Variants in FBXW4 observed in about 807,000 individuals in gnomAD.
The protein encoded by FBXW4 is F-box/WD repeat-containing protein 4.
Under a neutral mutation model 61.8 loss-of-function variants are expected in FBXW4, and 40 were observed. The observed-to-expected ratio is 0.65, with a 90% CI of 0.50 to 0.84. The LOEUF is 0.84. Among genes scored for constraint, FBXW4 ranks in the 40% least tolerant of loss-of-function variants. FBXW4 has a pLI of 0.00. For synonymous variants in FBXW4, 311 were observed against 313.8 expected (o/e 0.99, Z 0.10); for missense variants, 672 against 753.8 (o/e 0.89, Z 1.27).
intron 5 of FBXW4, among the ~76,000 whole-genome samples, chr10:101,644,863 C>T (rs2064082604): frequency 6.6e-6 from 1 of 152,318 alleles, no homozygotes; most frequent in Admixed American, 6.5e-5. Flanking sequence ...ATCATACCCC[C>T]ATTTGCCACC....
At chr10:101,633,998 A>G (rs925583610) in intron 5 of FBXW4, among the ~76,000 whole-genome samples, 2 of 152,150 alleles carry the variant, frequency 1.3e-5, no homozygotes, top group African/African-American at 4.8e-5. Flanking sequence ...CTGTAATCTC[A>G]GCTACTCAGG....
Position 101,673,000 on chromosome 10 carries a change from T to G in FBXW4, c.1055A>C (p.Lys352Thr), listed in dbSNP as rs1329566152. 6.2e-7 allele frequency: 1 copy of G among 1,613,920 alleles called. No homozygotes were observed. The change falls in exon 4 of 9, where the codon AAG becomes ACG. Residue 352 changes from lysine (K) to threonine (T), a missense_variant. Lys to Thr is a moderately conservative substitution (Grantham distance 78, BLOSUM62 -1). Transcript: ENST00000331272. ...CACCTCCTGTTCATGAGCCGAGTAC[T>G]TGACAGTGAAGGTGCTGTGAATCTT... ...IHKIHSTFTV[K>T]YSAHEQEVNC...
At chr10:101,645,811 G>T (rs781385184) in intron 5 of FBXW4, among the ~76,000 whole-genome samples, 7 of 152,164 alleles carry the variant, frequency 4.6e-5, no homozygotes, top group Non-Finnish European at 1.0e-4. Context: ...GCTCAGCACA[G>T]GACAGGCAAG....
chr10:101,616,044 A>T (rs921676620), intron 6 of FBXW4, among the ~76,000 whole-genome samples: 1 of 152,138 alleles, frequency 6.6e-6, no homozygotes, highest in Non-Finnish European at 1.5e-5. Context: ...TGTTCTCTGG[A>T]GACCCTATGC....
chr10:101,655,806 G>A (rs911558290), intron 5 of FBXW4, among the ~76,000 whole-genome samples: 1 of 152,230 alleles, frequency 6.6e-6, no homozygotes, highest in Non-Finnish European at 1.5e-5. Flanking sequence ...TCTGGGATGA[G>A]GAGCATGTGC....
chr10:101,625,916 A>C (rs2134819728), intron 5 of FBXW4: 1 of 152,380 alleles, frequency 6.6e-6, no homozygotes, highest in East Asian at 1.9e-4. Flanking sequence ...TCTGATCCCA[A>C]GCATGTCAGT....
intron 5 of FBXW4, among the ~76,000 whole-genome samples, chr10:101,660,896 C>T (rs891502576): frequency 6.6e-6 from 1 of 152,186 alleles, no homozygotes; most frequent in Non-Finnish European, 1.5e-5. Flanking sequence ...CGGTCTCTCC[C>T]ATCAGACTAT....
chr10:101,655,998 T>A (rs1026461094), intron 5 of FBXW4, among the ~76,000 whole-genome samples: 2 of 152,082 alleles, frequency 1.3e-5, no homozygotes, highest in Admixed American at 6.5e-5. Flanking sequence ...GCAGAAAGGG[T>A]ACATTTCACT....
intron 1 of FBXW4, among the ~76,000 whole-genome samples, chr10:101,683,781 A>G (rs2064503596): frequency 6.6e-6 from 1 of 152,064 alleles, no homozygotes; most frequent in African/African-American, 2.4e-5. Flanking sequence ...GGAAGCCACC[A>G]ATGCTGACCA....
chr10:101,633,448 G>T (rs910664848), intron 5 of FBXW4, among the ~76,000 whole-genome samples: 4 of 152,270 alleles, frequency 2.6e-5, no homozygotes, highest in East Asian at 1.9e-4. Context: ...GGCCTGTTAG[G>T]GGGTAGTGGG....
rs2064646701 is a variant in FBXW4, at chr10:101,694,301, ACCAGGCCGCGGCGCCCCGCCCTTTC to A, written c.725+55_725+79del. On this transcript the variant is annotated intron_variant, in intron 1 of 8. Transcript: ENST00000331272. The surrounding 1 kb of genome is among the most constrained non-coding windows in gnomAD (Gnocchi z 6.0). The stretch of plus-strand genomic sequence containing the variant: ...CGGGGTGCGACACGACCCTGGGCCG[ACCAGGCCGCGGCGCCCCGCCCTTTC>A]CCGGGACGCGGGGCCGGCTCGGGGC... 1 of 1,292,972 alleles carries A rather than the reference ACCAGGCCGCGGCGCCCCGCCCTTTC, an allele frequency of 7.7e-7. No individual in the cohort carries two copies. Among genetic ancestry groups the A allele is most frequent in the South Asian group, 2.0e-5 (1 of 49,680 alleles). 80.1% of individuals were successfully genotyped at this position (1,292,972 alleles called of 1,614,324 possible). A position where few individuals can be genotyped will look rare whatever the true frequency, so the allele number is the denominator to read the frequency against.
At chr10:101,679,780 G>T (rs2064452741) in intron 1 of FBXW4, among the ~76,000 whole-genome samples, 1 of 151,784 alleles carries the variant, frequency 6.6e-6, no homozygotes, top group African/African-American at 2.4e-5. Context: ...AATGGTTTTT[G>T]GTTACATGGA....
At chr10:101,688,482 A>G (rs554859664) in intron 1 of FBXW4, among the ~76,000 whole-genome samples, 1 of 152,350 alleles carries the variant, frequency 6.6e-6, no homozygotes, top group East Asian at 1.9e-4. Context: ...GAAATGACTC[A>G]AAATTGAGAC....
At chr10:101,686,364 G>A (rs191072968) in intron 1 of FBXW4, among the ~76,000 whole-genome samples, 9 of 152,246 alleles carry the variant, frequency 5.9e-5, no homozygotes, top group Admixed American at 2.6e-4. Context: ...GGAATGTGGC[G>A]CACAGCATTT....
chr10:101,618,428 T>C (rs1435263174), intron 6 of FBXW4, among the ~76,000 whole-genome samples: 1 of 152,114 alleles, frequency 6.6e-6, no homozygotes, highest in African/African-American at 2.4e-5. Context: ...GGGCATGGGG[T>C]TGGCTTGAGC....
At chr10:101,660,811 C>T (rs1030781699) in intron 5 of FBXW4, among the ~76,000 whole-genome samples, 1 of 152,154 alleles carries the variant, frequency 6.6e-6, no homozygotes, top group African/African-American at 2.4e-5. Flanking sequence ...ATGACTGATC[C>T]GTCCAGCGTG....
chr10:101,661,507 TC>T (rs35099922), intron 5 of FBXW4, among the ~76,000 whole-genome samples: 1 of 152,148 alleles, frequency 6.6e-6, no homozygotes, highest in Admixed American at 6.5e-5. Context: ...ATCAATGACA[TC>T]CCCACACTGA....
intron 5 of FBXW4, among the ~76,000 whole-genome samples, chr10:101,648,978 T>A (rs552982806): frequency 4.7e-4 from 72 of 152,134 alleles, no homozygotes; most frequent in Non-Finnish European, 8.1e-4. Flanking sequence ...TGCTCCAAAC[T>A]CTGCTTTAAA....
At chr10:101,682,406 C>T (rs979072319) in intron 1 of FBXW4, among the ~76,000 whole-genome samples, 23 of 151,398 alleles carry the variant, frequency 1.5e-4, no homozygotes, top group African/African-American at 5.3e-4. Context: ...GCCAAAGGAA[C>T]TGAAATCTAA....
Sources: gnomAD v4.1 joint callset for allele counts (sites outside exome capture counted in the v4.1 genomes callset) on GRCh38, gnomAD v4.1.1 for gene constraint, Gnocchi (gnomAD v3.1) non-coding constraint, MANE v1.5 for transcripts, NCBI Gene and HGNC (gene_info 2026-07-23, HGNC 2026-07-21) for gene names.